The following TENM4 variants were observed in gnomAD, a reference collection of about 807,000 sequenced individuals.
The protein encoded by TENM4 is teneurin-4.
A neutral mutation model predicts 243.3 loss-of-function variants in TENM4; 82 were observed. The ratio of observed to expected loss-of-function variants is 0.34; its 90% CI spans 0.28 to 0.40. The LOEUF is 0.40. TENM4 is among the 10% of genes least tolerant of loss of function. The pLI, the probability that TENM4 is intolerant of heterozygous loss-of-function variation, is 1.00. For synonymous variants in TENM4, 1,412 were observed against 1,456.3 expected, an observed-to-expected ratio of 0.97 and a Z score of 0.69; for missense variants, 3,138 against 3,673.3, an observed-to-expected ratio of 0.85 and a Z score of 3.77.
intron 6 of TENM4, among the ~76,000 whole-genome samples, chr11:79,038,772 A>C (rs772219674): frequency 6.6e-6 from 1 of 152,206 alleles, no homozygotes; most frequent in Non-Finnish European, 1.5e-5. Context: ...CTTGGGAAAA[A>C]ACCATCTTAA....
chr11:78,896,362 A>G (rs990645787), intron 7 of TENM4, among the ~76,000 whole-genome samples: 9 of 151,418 alleles, frequency 5.9e-5, no homozygotes, highest in South Asian at 2.1e-4. Flanking sequence ...AAATGAATGG[A>G]AAAAAAAATG....
chr11:79,161,456 G>A (rs1313309202), intron 3 of TENM4, among the ~76,000 whole-genome samples: 1 of 152,176 alleles, frequency 6.6e-6, no homozygotes, highest in East Asian at 1.9e-4. Flanking sequence ...GGATTAGGGT[G>A]GGCTCTAAAT....
chr11:79,258,614 C>T (rs570118335), intron 2 of TENM4, among the ~76,000 whole-genome samples: 2 of 152,336 alleles, frequency 1.3e-5, no homozygotes, highest in South Asian at 2.1e-4. Flanking sequence ...CTATCAGCCT[C>T]CTGCACCAGG....
chr11:78,709,075 C>T (rs2135793471), intron 26 of TENM4, among the ~76,000 whole-genome samples: 1 of 148,822 alleles, frequency 6.7e-6, no homozygotes, highest in South Asian at 2.1e-4. Flanking sequence ...TCAAGCAATT[C>T]TTCTGCCTTA....
chr11:78,951,034 G>C (rs991451757), intron 6 of TENM4, among the ~76,000 whole-genome samples: 1 of 152,202 alleles, frequency 6.6e-6, no homozygotes, highest in Non-Finnish European at 1.5e-5. Flanking sequence ...TATGTTGCTT[G>C]TCTCCTCCCA....
At chr11:79,127,495 T>C (rs1162915935) in intron 4 of TENM4, among the ~76,000 whole-genome samples, 2 of 114,410 alleles carry the variant, frequency 1.7e-5, no homozygotes, top group Non-Finnish European at 3.7e-5. Flanking sequence ...TATGCAGCCA[T>C]TGACTTGGCA....
chr11:79,187,591 A>G (rs1863401794), intron 3 of TENM4, among the ~76,000 whole-genome samples: 1 of 152,174 alleles, frequency 6.6e-6, no homozygotes, highest in African/African-American at 2.4e-5. Flanking sequence ...ATTTTACTCA[A>G]TTTGTTATGA....
intron 6 of TENM4, among the ~76,000 whole-genome samples, chr11:78,913,919 G>A (rs532644820): frequency 1.4e-4 from 21 of 152,268 alleles, no homozygotes; most frequent in African/African-American, 4.6e-4. Flanking sequence ...AGGGAGTAGG[G>A]GGAGGACTGA....
At chr11:78,840,976 T>C (rs1020778654) in intron 12 of TENM4, among the ~76,000 whole-genome samples, 2 of 152,150 alleles carry the variant, frequency 1.3e-5, no homozygotes, top group African/African-American at 4.8e-5. Context: ...ATTACAAACT[T>C]AAAGTTAGGT....
intron 4 of TENM4, among the ~76,000 whole-genome samples, chr11:79,070,381 C>T (rs1591259808): frequency 6.6e-6 from 1 of 152,094 alleles, no homozygotes; most frequent in African/African-American, 2.4e-5. Context: ...CAGCTCTGGC[C>T]CAGGGCTCCT....
chr11:79,049,857 G>A (rs1172558625), intron 6 of TENM4, among the ~76,000 whole-genome samples: 9 of 152,190 alleles, frequency 5.9e-5, no homozygotes, highest in African/African-American at 1.9e-4. Flanking sequence ...AGCACTTCCC[G>A]CATGACTCTG....
intron 2 of TENM4, among the ~76,000 whole-genome samples, chr11:79,228,720 C>G (rs1331684724): frequency 2.0e-5 from 3 of 151,930 alleles, no homozygotes; most frequent in African/African-American, 7.3e-5. Context: ...AAAAAAGTCT[C>G]CTGTTTTTTA....
intron 1 of TENM4, among the ~76,000 whole-genome samples, chr11:79,371,877 T>A (rs984698091): frequency 6.6e-6 from 1 of 152,314 alleles, no homozygotes; most frequent in East Asian, 1.9e-4. Context: ...AGCTACCTTT[T>A]ATCCTGATGA....
At chr11:79,337,070 G>T (rs1308665733) in intron 1 of TENM4, among the ~76,000 whole-genome samples, 1 of 152,218 alleles carries the variant, frequency 6.6e-6, no homozygotes, top group Non-Finnish European at 1.5e-5. Context: ...AAAGCAACTG[G>T]CCTAAAGCCA....
chr11:79,267,942 A>T lies in TENM4; in HGVS notation c.-265+29546T>A, dbSNP rs186803653. 3.2e-4 allele frequency among the ~76,000 whole-genome samples: 48 copies of T among 152,316 alleles called. 1 individual carries two copies. In the East Asian group the frequency reaches 9.1e-3, roughly 29 times the overall value. Reference sequence around the variant, plus strand: ...AACAATCTAACATCCTGCTAGTGTAACCAAAATGGAAGATCCTTTCTGTTC... The same window carrying T: ...AACAATCTAACATCCTGCTAGTGTATCCAAAATGGAAGATCCTTTCTGTTC... On this transcript the variant is annotated intron_variant, in intron 2 of 33. Transcript: ENST00000278550.
chr11:78,932,274 A>C (rs1004462111), intron 6 of TENM4, among the ~76,000 whole-genome samples: 14 of 152,142 alleles, frequency 9.2e-5, no homozygotes, highest in African/African-American at 2.9e-4. Flanking sequence ...CACCACCCCC[A>C]GGTTGTAGGA....
intron 3 of TENM4, among the ~76,000 whole-genome samples, chr11:79,162,150 T>G (rs902200831): frequency 2.0e-5 from 3 of 152,206 alleles, no homozygotes; most frequent in African/African-American, 7.2e-5. Flanking sequence ...TGTGTGCAGA[T>G]CTAAAGCTGC....
chr11:79,067,611 G>C (rs558152186), intron 5 of TENM4, among the ~76,000 whole-genome samples: 7 of 26,912 alleles, frequency 2.6e-4, no homozygotes, highest in Non-Finnish European at 8.3e-4. Context: ...AAGACATCTC[G>C]GGACTAGGAT....
chr11:79,432,956 C>T (rs1341654735), intron 1 of TENM4, among the ~76,000 whole-genome samples: 2 of 152,068 alleles, frequency 1.3e-5, no homozygotes, highest in Non-Finnish European at 1.5e-5. Flanking sequence ...AGTATGTGTT[C>T]GTTTTGTTCT....
Sources: gnomAD v4.1 joint callset for allele counts (sites outside exome capture counted in the v4.1 genomes callset) on GRCh38, gnomAD v4.1.1 for gene constraint, MANE v1.5 for transcripts, NCBI Gene and HGNC (gene_info 2026-07-23, HGNC 2026-07-21) for gene names.